The following PITPNM2 variants were observed in gnomAD, a reference collection of about 807,000 sequenced individuals.
PITPNM2 encodes membrane-associated phosphatidylinositol transfer protein 2.
PITPNM2 carries 35 observed loss-of-function variants against 132.2 expected under a neutral mutation model. The observed-to-expected ratio is 0.26, with a 90% confidence interval of 0.20 to 0.35. PITPNM2 has a LOEUF of 0.35. Ranked by LOEUF, PITPNM2 falls within the 10% of genes least tolerant of loss-of-function variation. PITPNM2 has a pLI of 1.00. For missense variants in PITPNM2, 1,332 were observed against 1,912.0 expected, an observed-to-expected ratio of 0.70 and a Z score of 5.66; for synonymous variants, 738 against 799.2, an observed-to-expected ratio of 0.92 and a Z score of 1.29.
intron 8 of PITPNM2, 53 bp from the exon 9 acceptor site, chr12:123,001,211 G>A: frequency 6.9e-7 from 1 of 1,453,768 alleles, no homozygotes; most frequent in South Asian, 1.1e-5. Flanking sequence ...GGGGAAGCCT[G>A]GCTTCCCGAG....
intron 2 of PITPNM2, among the ~76,000 whole-genome samples, chr12:123,085,703 G>A (rs1044235972): frequency 2.0e-5 from 3 of 152,166 alleles, no homozygotes; most frequent in African/African-American, 7.2e-5. Context: ...AAAAATACAA[G>A]GAGAAAAAAG....
chr12:123,119,560 G>A (rs911605890), intron 1 of PITPNM2, among the ~76,000 whole-genome samples: 2 of 151,382 alleles, frequency 1.3e-5, no homozygotes, highest in Non-Finnish European at 2.9e-5. Flanking sequence ...GGGTTTCACC[G>A]TGTTGGCCAG....
At chr12:123,092,120 G>A (rs1221361450) in intron 2 of PITPNM2, 1 of 152,242 alleles carries the variant, frequency 6.6e-6, no homozygotes, top group African/African-American at 2.4e-5. Context: ...ACACTGGAGT[G>A]GGTACGACAG....
rs373061389 is a variant in PITPNM2, at chr12:122,992,590, C to T, written c.2313G>A (p.Pro771=). 29 of 1,610,712 alleles carry T rather than the reference C, an allele frequency of 1.8e-5. No individual in the cohort carries two copies. In the African/African-American group the frequency reaches 2.7e-4, roughly 15 times the overall value. ...PADPSASRLE[P]LLERRFHALP... ...GGGCGTGAAAGCGCCGTTCCAGCAG[C>T]GGCTCCAGGCGTGAAGCTGACGGGT... is the stretch of plus-strand genomic sequence containing the variant. The change falls in exon 16 of 26, where the codon CCG becomes CCA. Residue 771 remains proline (P), a synonymous_variant. Transcript: ENST00000320201. The surrounding 1 kb of genome is among the most constrained non-coding windows in gnomAD (Gnocchi z 6.5).
At chr12:123,070,810 T>C (rs1460429994) in intron 2 of PITPNM2, among the ~76,000 whole-genome samples, 1 of 152,174 alleles carries the variant, frequency 6.6e-6, no homozygotes, top group African/African-American at 2.4e-5. Flanking sequence ...GGGGCAGCCC[T>C]AAGGGCCCCA....
chr12:123,029,420 T>C (rs866598226), intron 3 of PITPNM2, among the ~76,000 whole-genome samples: 17 of 152,192 alleles, frequency 1.1e-4, no homozygotes, highest in African/African-American at 4.1e-4. Flanking sequence ...AGCCCATCTC[T>C]ACTAAAAATA....
Position 123,000,316 on chromosome 12 carries a change from GT to G in PITPNM2, c.1224+461del. ...CGGATACAGGCGCTCTACCAAGACAGTTTTATTGGACACACTGAGCTCCGCC... is the reference window on the plus strand; with the variant it reads ...CGGATACAGGCGCTCTACCAAGACAGTTTATTGGACACACTGAGCTCCGCC... On this transcript the variant is annotated intron_variant, in intron 10 of 25. Transcript: ENST00000320201. The surrounding 1 kb of genome is among the most constrained non-coding windows in gnomAD (Gnocchi z 5.4). 2.9e-6 allele frequency: 2 copies of G among 680,964 alleles called. No homozygotes were observed. Among genetic ancestry groups the G allele is most frequent in the South Asian group, 1.5e-5 (1 of 65,554 alleles). The allele number at this position is 680,964 out of a possible 1,614,324, so 42.2% of individuals were successfully genotyped here. A position where few individuals can be genotyped will look rare whatever the true frequency, so the allele number is the denominator to read the frequency against.
intron 1 of PITPNM2, among the ~76,000 whole-genome samples, chr12:123,116,280 C>T (rs1371145872): frequency 6.6e-6 from 1 of 152,142 alleles, no homozygotes; most frequent in African/African-American, 2.4e-5. Flanking sequence ...GTGGGCACAA[C>T]CCAGGCATCC....
intron 2 of PITPNM2, among the ~76,000 whole-genome samples, chr12:123,057,172 G>A (rs2041059250): frequency 6.6e-6 from 1 of 151,964 alleles, no homozygotes; most frequent in South Asian, 2.1e-4. Flanking sequence ...CCTGAGGTTG[G>A]GAGTTCAAGA....
chr12:123,013,715 G>T (rs1365186008), intron 4 of PITPNM2, 113 bp downstream of exon 4: 12 of 1,224,060 alleles, frequency 9.8e-6, no homozygotes, highest in Non-Finnish European at 1.0e-5. Context: ...GGGGTTATGG[G>T]TTGTTGAACC....
intron 2 of PITPNM2, among the ~76,000 whole-genome samples, chr12:123,065,130 T>C (rs904120466): frequency 6.6e-6 from 1 of 152,246 alleles, no homozygotes; most frequent in Non-Finnish European, 1.5e-5. Flanking sequence ...TCCATCCTTG[T>C]GCAACTGCAG....
At chr12:123,027,017 G>C (rs925226682) in intron 3 of PITPNM2, among the ~76,000 whole-genome samples, 12 of 152,120 alleles carry the variant, frequency 7.9e-5, no homozygotes, top group Non-Finnish European at 1.6e-4. Context: ...GCAGATTCTG[G>C]GGGGGACACT....
At chr12:123,138,385 C>T (rs1015727216) in intron 1 of PITPNM2, among the ~76,000 whole-genome samples, 20 of 152,152 alleles carry the variant, frequency 1.3e-4, no homozygotes, top group Non-Finnish European at 2.8e-4. Flanking sequence ...GAGTTCGAGG[C>T]TGCAGTAAGC....
chr12:123,128,061 T>C (rs1017617148), intron 1 of PITPNM2, among the ~76,000 whole-genome samples: 17 of 151,938 alleles, frequency 1.1e-4, no homozygotes, highest in African/African-American at 4.1e-4. Context: ...CCTGGAATGC[T>C]TTTTTGATGC....
intron 1 of PITPNM2, among the ~76,000 whole-genome samples, chr12:123,147,439 G>A (rs556241883): frequency 1.3e-5 from 2 of 152,126 alleles, no homozygotes; most frequent in Admixed American, 1.3e-4. Flanking sequence ...CTCAGCTACA[G>A]GCGCACACCA....
chr12:123,065,484 C>T (rs1197366577), intron 2 of PITPNM2, among the ~76,000 whole-genome samples: 2 of 152,194 alleles, frequency 1.3e-5, no homozygotes, highest in South Asian at 2.1e-4. Context: ...CAGGAACAAC[C>T]ATTTATGGGG....
rs943250416 is a variant in PITPNM2 at position 123,000,315 on chromosome 12, AG to A, written c.1224+462del. On this transcript the variant is annotated intron_variant, in intron 10 of 25. Transcript: ENST00000320201. The surrounding 1 kb of genome is among the most constrained non-coding windows in gnomAD (Gnocchi z 5.4). ...GCGGATACAGGCGCTCTACCAAGAC[AG>A]TTTTATTGGACACACTGAGCTCCGC... 1.6e-5 allele frequency: 11 copies of A among 674,466 alleles called. No individual in the cohort carries two copies. In the African/African-American group the frequency reaches 2.0e-4, roughly 12 times the overall value. 41.8% of individuals were successfully genotyped at this position (674,466 alleles called of 1,614,324 possible). A position where few individuals can be genotyped will look rare whatever the true frequency, so the allele number is the denominator to read the frequency against.
At chr12:123,055,881 A>G (rs1413451915) in intron 2 of PITPNM2, among the ~76,000 whole-genome samples, 1 of 150,372 alleles carries the variant, frequency 6.7e-6, no homozygotes, top group East Asian at 1.9e-4. Context: ...TACTAATATC[A>G]TAGTTTGAAG....
chr12:123,112,698 T>C (rs1055505309), intron 1 of PITPNM2, among the ~76,000 whole-genome samples: 6 of 151,978 alleles, frequency 3.9e-5, no homozygotes, highest in Admixed American at 6.6e-5. Context: ...CCACCACGCC[T>C]GGCTAATTTT....
Sources: gnomAD v4.1 joint callset for allele counts (sites outside exome capture counted in the v4.1 genomes callset) on GRCh38, gnomAD v4.1.1 for gene constraint, Gnocchi (gnomAD v3.1) non-coding constraint, MANE v1.5 for transcripts, NCBI Gene and HGNC (gene_info 2026-07-23, HGNC 2026-07-21) for gene names.